ZNF385D: variants seen among roughly 807,000 people sequenced by gnomAD.
The protein encoded by ZNF385D is zinc finger protein 659.
Under a neutral mutation model 35.8 loss-of-function variants are expected in ZNF385D, and 15 were observed. That is an observed-to-expected ratio of 0.42 (90% CI 0.28 to 0.64). The LOEUF (loss-of-function observed/expected upper bound fraction) is 0.64. ZNF385D is among the 30% of genes least tolerant of loss of function. The pLI is 0.23. For missense variants in ZNF385D, 474 were observed against 494.6 expected (o/e 0.96, Z 0.39); for synonymous variants, 212 against 186.8 (o/e 1.13, Z -1.10).
At chr3:21,757,106 T>C (rs181209683) in intron 3 of ZNF385D, among the ~76,000 whole-genome samples, 1 of 142,980 alleles carries the variant, frequency 7.0e-6, no homozygotes, top group African/African-American at 2.5e-5. Context: ...TTTGGAGACA[T>C]ATGATAAATT....
At chr3:21,995,637 G>A (rs1695415312) in intron 3 of ZNF385D, among the ~76,000 whole-genome samples, 1 of 151,812 alleles carries the variant, frequency 6.6e-6, no homozygotes. Context: ...TGTGGTGGGT[G>A]AGACAAGTCC....
At chr3:22,299,277 A>C (rs1212448311) in intron 2 of ZNF385D, among the ~76,000 whole-genome samples, 1 of 151,894 alleles carries the variant, frequency 6.6e-6, no homozygotes, top group Non-Finnish European at 1.5e-5. Context: ...ATACCAATTG[A>C]ACAAAAAAGA....
chr3:22,312,440 G>C, intron 2 of ZNF385D, among the ~76,000 whole-genome samples: 1 of 152,150 alleles, frequency 6.6e-6, no homozygotes, highest in East Asian at 1.9e-4. Context: ...CACAGCAAAA[G>C]AAACTACCAT....
intron 3 of ZNF385D, among the ~76,000 whole-genome samples, chr3:22,020,929 G>C (rs1697188026): frequency 6.6e-6 from 1 of 151,864 alleles, no homozygotes; most frequent in Non-Finnish European, 1.5e-5. Context: ...ATACACAAGG[G>C]AATACTATTA....
In ZNF385D at chr3:21,425,646, T is replaced by A; in HGVS notation, c.698A>T (p.Glu233Val). The A allele has an allele frequency of 1.3e-6, 2 of 1,594,722 alleles. No homozygotes were observed. Among genetic ancestry groups the A allele is most frequent in the Non-Finnish European group, 1.7e-6 (2 of 1,169,098 alleles). Residue 233 changes from glutamate to valine, a missense_variant, in exon 6 of 8, where the codon GAA (glutamate) becomes GTA (valine). Physicochemically the swap from Glu to Val is moderately radical, Grantham distance 121. Transcript: ENST00000281523. ...GATAGTGCCACTTCCATTCCGGGCT[T>A]CTAACATGGTTTTGTGCTTAGTACC... The part of the protein sequence containing the change: ...NSGTKHKTML[E>V]ARNGSGTIKA...
At chr3:21,685,307 GTGACAA>G (rs2067069641) in intron 1 of ZNF385D, among the ~76,000 whole-genome samples, 1 of 152,116 alleles carries the variant, frequency 6.6e-6, no homozygotes, top group Non-Finnish European at 1.5e-5. Context: ...ACTTGCCTTG[GTGACAA>G]GAATTCAACC....
At chr3:21,469,795 A>C (rs1824213) in intron 4 of ZNF385D, among the ~76,000 whole-genome samples, 70,864 of 151,886 alleles carry the variant, frequency 0.47, 17,064 homozygotes, top group East Asian at 0.83. Context: ...TGGAACTAAC[A>C]GTATTTAAAC....
chr3:22,033,737 A>G (rs983770446), intron 3 of ZNF385D, among the ~76,000 whole-genome samples: 27 of 152,234 alleles, frequency 1.8e-4, no homozygotes, highest in Admixed American at 1.6e-3. Context: ...AATTAAAGAC[A>G]TAAAAAGCAA....
intron 3 of ZNF385D, among the ~76,000 whole-genome samples, chr3:22,082,643 C>T (rs1411023213): frequency 6.6e-6 from 1 of 152,192 alleles, no homozygotes; most frequent in African/African-American, 2.4e-5. Context: ...GAACAAAAGG[C>T]AGCAGAAACG....
intron 3 of ZNF385D, among the ~76,000 whole-genome samples, chr3:22,161,590 A>T (rs1705954556): frequency 6.6e-6 from 1 of 152,136 alleles, no homozygotes; most frequent in African/African-American, 2.4e-5. Flanking sequence ...TCTAATATAG[A>T]ATTCCTTTCT....
intron 4 of ZNF385D, among the ~76,000 whole-genome samples, chr3:21,440,160 T>G (rs2125243200): frequency 6.6e-6 from 1 of 152,216 alleles, no homozygotes; most frequent in African/African-American, 2.4e-5. Context: ...AAGTCATCTG[T>G]TCTATACAAT....
At position 21,496,850 on chromosome 3, in the gene ZNF385D, C is replaced by T. The variant is rs185855035; in HGVS notation, c.439+14011G>A. On this transcript the variant is annotated intron_variant, in intron 4 of 7. Transcript: ENST00000281523. ...AAAGACTTTCAATAAAATTTAACAT[C>T]GCATCTTATAAAAAACTCTCAACAA... Among the ~76,000 whole-genome samples the T allele has an allele frequency of 1.4e-3, 220 of 152,028 alleles. 1 individual carries two copies. The highest frequency in any genetic ancestry group is 5.0e-3 in the African/African-American group (206 of 41,474).
chr3:21,552,932 G>A (rs1324239964), intron 3 of ZNF385D, among the ~76,000 whole-genome samples: 1 of 152,194 alleles, frequency 6.6e-6, no homozygotes, highest in East Asian at 1.9e-4. Context: ...GTGATCACAA[G>A]GGTCTGTGAA....
chr3:21,862,693 G>GA (rs1227001608), intron 3 of ZNF385D, among the ~76,000 whole-genome samples: 1 of 152,152 alleles, frequency 6.6e-6, no homozygotes, highest in African/African-American at 2.4e-5. Flanking sequence ...CAGCCCAGAT[G>GA]AAGATGTCCA....
chr3:22,298,257 A>G (rs748176182), intron 2 of ZNF385D, among the ~76,000 whole-genome samples: 3 of 151,844 alleles, frequency 2.0e-5, no homozygotes, highest in Non-Finnish European at 4.4e-5. Flanking sequence ...ATGATTAGTC[A>G]TAAGTCATAA....
At chr3:21,685,901 A>T (rs1276233495) in intron 1 of ZNF385D, among the ~76,000 whole-genome samples, 3 of 152,174 alleles carry the variant, frequency 2.0e-5, no homozygotes, top group Non-Finnish European at 2.9e-5. Flanking sequence ...CTCCCAGGCA[A>T]TAATTCCTCA....
intron 3 of ZNF385D, among the ~76,000 whole-genome samples, chr3:22,053,392 A>G (rs1699370359): frequency 3.3e-5 from 1 of 30,134 alleles, no homozygotes; most frequent in Non-Finnish European, 6.3e-5. Flanking sequence ...ATAAAGAAAA[A>G]AAGAGAGAAG....
intron 2 of ZNF385D, among the ~76,000 whole-genome samples, chr3:22,311,590 C>G (rs538754865): frequency 6.6e-6 from 1 of 152,142 alleles, no homozygotes; most frequent in Non-Finnish European, 1.5e-5. Context: ...AAAAATATTT[C>G]TAAACGTAAA....
intron 1 of ZNF385D, among the ~76,000 whole-genome samples, chr3:21,684,289 G>C (rs953042627): frequency 1.0e-4 from 15 of 146,248 alleles, no homozygotes; most frequent in African/African-American, 3.5e-4. Flanking sequence ...TAGAAGCTCT[G>C]GGAAATGAAG....
Sources: gnomAD v4.1 joint callset for allele counts (sites outside exome capture counted in the v4.1 genomes callset) on GRCh38, gnomAD v4.1.1 for gene constraint, MANE v1.5 for transcripts, NCBI Gene and HGNC (gene_info 2026-07-23, HGNC 2026-07-21) for gene names.